The following PTPRT variants were observed in gnomAD, a reference collection of about 807,000 sequenced individuals.
The protein encoded by PTPRT is protein tyrosine phosphatase receptor type T, also known as receptor-type tyrosine-protein phosphatase T.
A neutral mutation model predicts 176.8 loss-of-function variants in PTPRT; 56 were observed. The ratio of observed to expected loss-of-function variants is 0.32; its 90% CI spans 0.26 to 0.40. The LOEUF is 0.40. Ranked by LOEUF, PTPRT falls within the 10% of genes least tolerant of loss-of-function variation. The pLI, the probability that PTPRT is intolerant of heterozygous loss-of-function variation, is 1.00. For synonymous variants in PTPRT, 783 were observed against 739.0 expected (o/e 1.06, Z -0.96); for missense variants, 1,540 against 1,908.2 (o/e 0.81, Z 3.60).
At chr20:42,861,368 T>C (rs1023437138) in intron 2 of PTPRT, among the ~76,000 whole-genome samples, 12 of 152,192 alleles carry the variant, frequency 7.9e-5, no homozygotes, top group African/African-American at 2.4e-4. Flanking sequence ...CCCTAACTGA[T>C]TGATAAATTA....
intron 9 of PTPRT, among the ~76,000 whole-genome samples, chr20:42,425,456 T>G (rs2059154551): frequency 6.6e-6 from 1 of 152,170 alleles, no homozygotes; most frequent in African/African-American, 2.4e-5. Context: ...CATAATGTCC[T>G]CCAAACTAGG....
chr20:43,023,317 T>C (rs1355664439), intron 1 of PTPRT, among the ~76,000 whole-genome samples: 2 of 152,192 alleles, frequency 1.3e-5, no homozygotes, highest in East Asian at 3.8e-4. Flanking sequence ...AGCATCCTCC[T>C]CAACATTTGT....
intron 7 of PTPRT, among the ~76,000 whole-genome samples, chr20:42,565,495 G>C (rs977879626): frequency 2.0e-5 from 3 of 151,914 alleles, no homozygotes; most frequent in Non-Finnish European, 4.4e-5. Flanking sequence ...TCTGGGCACA[G>C]ATGCAGCCCA....
At chr20:42,060,937 C>A in the PTPRT span, among the ~76,000 whole-genome samples, 1 of 152,268 alleles carries the variant, frequency 6.6e-6, no homozygotes, top group South Asian at 2.1e-4. Context: ...GATTTGGATT[C>A]CAGGTTTGCC....
rs140238667 is a variant in PTPRT at position 42,671,071 on chromosome 20, G to C, written c.1153+6795C>G. Among the ~76,000 whole-genome samples, 28 of 152,234 alleles carry C rather than the reference G, an allele frequency of 1.8e-4. 1 individual carries two copies. The highest frequency in any genetic ancestry group is 6.5e-4 in the African/African-American group (27 of 41,536). On this transcript the variant is annotated intron_variant, in intron 7 of 30. Coordinates refer to ENST00000373187, the MANE Select transcript of PTPRT (RefSeq NM_007050.6). Reference sequence around the variant, plus strand: ...CATTGAAAGTGGTACCTGCAGGAGAGGTACAGGGCCAAGTTGGACCCATGT... The same window carrying C: ...CATTGAAAGTGGTACCTGCAGGAGACGTACAGGGCCAAGTTGGACCCATGT...
At chr20:42,107,644 C>T (rs901854741) in intron 23 of PTPRT, among the ~76,000 whole-genome samples, 8 of 152,160 alleles carry the variant, frequency 5.3e-5, no homozygotes, top group South Asian at 4.1e-4. Flanking sequence ...CCAAGAGGCA[C>T]GTAAGACATG....
At chr20:43,179,363 T>G (rs2015194030) in intron 1 of PTPRT, among the ~76,000 whole-genome samples, 1 of 152,192 alleles carries the variant, frequency 6.6e-6, no homozygotes, top group African/African-American at 2.4e-5. Context: ...TTTTTAAACC[T>G]CTGGAAATGG....
Position 42,171,646 on chromosome 20 carries a change from A to G in PTPRT, c.2492-10104T>C, listed in dbSNP as rs189420666. On this transcript the variant is annotated intron_variant, in intron 16 of 30. Coordinates refer to ENST00000373187, the MANE Select transcript of PTPRT (RefSeq NM_007050.6). ...AGGCATCAACTACTAGCATAACAAG[A>G]AGAATGAACAGGATTCAAATAGAGA... Among the ~76,000 whole-genome samples the G allele has an allele frequency of 7.9e-5, 12 of 152,268 alleles. No homozygotes were observed. The East Asian group carries it at 2.3e-3, about 29-fold the overall frequency.
intron 1 of PTPRT, among the ~76,000 whole-genome samples, chr20:43,038,729 G>A (rs1986484677): frequency 6.6e-6 from 1 of 152,118 alleles, no homozygotes; most frequent in Non-Finnish European, 1.5e-5. Context: ...TGTTGGAAAT[G>A]ATAAAAGATT....
intron 29 of PTPRT, among the ~76,000 whole-genome samples, chr20:42,084,058 A>C (rs1406923897): frequency 6.6e-6 from 1 of 152,250 alleles, no homozygotes; most frequent in Non-Finnish European, 1.5e-5. Context: ...ATAAGGTCTG[A>C]AGATTGTCTA....
intron 15 of PTPRT, among the ~76,000 whole-genome samples, chr20:42,209,808 T>C (rs1433314507): frequency 2.0e-5 from 3 of 152,178 alleles, no homozygotes; most frequent in Non-Finnish European, 4.4e-5. Context: ...GAGGCCAGCA[T>C]CATTCTGATA....
At chr20:42,998,358 T>C (rs1235256606) in intron 1 of PTPRT, among the ~76,000 whole-genome samples, 6 of 152,214 alleles carry the variant, frequency 3.9e-5, no homozygotes. Flanking sequence ...GATTCTGCGG[T>C]AAGCTGAGAT....
At chr20:43,155,209 AG>A (rs1246719166) in intron 1 of PTPRT, among the ~76,000 whole-genome samples, 1 of 152,238 alleles carries the variant, frequency 6.6e-6, no homozygotes, top group Non-Finnish European at 1.5e-5. Context: ...ATATATCCAA[AG>A]GAAATAAAAT....
chr20:42,657,626 T>C (rs2075149092), intron 7 of PTPRT, among the ~76,000 whole-genome samples: 1 of 152,212 alleles, frequency 6.6e-6, no homozygotes, highest in African/African-American at 2.4e-5. Flanking sequence ...TCATGCTTCC[T>C]TGTTATCAGA....
chr20:43,013,129 T>C (rs1372561328), intron 1 of PTPRT, among the ~76,000 whole-genome samples: 1 of 152,086 alleles, frequency 6.6e-6, no homozygotes, highest in Admixed American at 6.6e-5. Flanking sequence ...GTACTGTATA[T>C]ATATCTCTGT....
chr20:42,184,685 TGGCATGATCTC>T lies in PTPRT; in HGVS notation c.2491+14544_2491+14554del, dbSNP rs553264291. On this transcript the variant is annotated intron_variant, in intron 16 of 30. Transcript: ENST00000373187. Reference sequence around the variant, plus strand: ...CTCTGTTGCCCAGGTTGGAGTGCAGTGGCATGATCTCGGTTCACTGTAACCTCCACCTCCTG... The same window carrying T: ...CTCTGTTGCCCAGGTTGGAGTGCAGTGGTTCACTGTAACCTCCACCTCCTG... Among the ~76,000 whole-genome samples, 10 of 150,322 alleles carry T rather than the reference TGGCATGATCTC, an allele frequency of 6.7e-5. No homozygotes were observed. The South Asian group carries it at 8.7e-4, about 13-fold the overall frequency.
rs1001054242 is a variant in PTPRT, at chr20:42,080,140, G to T, written c.*739C>A. The T allele has an allele frequency of 4.7e-5, 11 of 232,894 alleles. No individual in the cohort carries two copies. Among genetic ancestry groups the T allele is most frequent in the Non-Finnish European group, 7.6e-5 (9 of 117,924 alleles). The allele number at this position is 232,894 out of a possible 1,614,324, so 14.4% of individuals were successfully genotyped here. On this transcript the variant is annotated 3_prime_UTR_variant, in exon 31 of 31. Transcript: ENST00000373187. ...TACAAAGACAAGGAGGAGCAGAGAAGTTCCCTGCAGTTCCACCCCCTCCCA... is the reference window on the plus strand; with the variant it reads ...TACAAAGACAAGGAGGAGCAGAGAATTTCCCTGCAGTTCCACCCCCTCCCA...
intron 7 of PTPRT, among the ~76,000 whole-genome samples, chr20:42,648,294 G>C (rs952312631): frequency 3.9e-5 from 6 of 152,086 alleles, no homozygotes; most frequent in African/African-American, 1.4e-4. Context: ...AGGGCTGTTG[G>C]GGTGCTTTGT....
chr20:42,091,280 G>A (rs1394175280), intron 27 of PTPRT, among the ~76,000 whole-genome samples: 3 of 152,280 alleles, frequency 2.0e-5, no homozygotes, highest in East Asian at 3.9e-4. Flanking sequence ...GCAAGTTCAC[G>A]TGTGATATAT....
Sources: allele counts gnomAD v4.1 joint callset (sites outside exome capture counted in the v4.1 genomes callset), GRCh38; gene constraint gnomAD v4.1.1; transcripts MANE v1.5; gene names NCBI Gene and HGNC (gene_info 2026-07-23, HGNC 2026-07-21).